ZFAT: variants seen among roughly 807,000 people sequenced by gnomAD.
ZFAT encodes zinc finger protein ZFAT.
Under a neutral mutation model 117.7 loss-of-function variants are expected in ZFAT, and 64 were observed. That is an observed-to-expected ratio of 0.54 (90% CI 0.44 to 0.67). ZFAT has a LOEUF of 0.67. Among genes scored for constraint, ZFAT ranks in the 30% least tolerant of loss-of-function variants. The pLI is 0.00. For missense variants in ZFAT, 1,433 were observed against 1,584.5 expected (o/e 0.90, Z 1.62); for synonymous variants, 679 against 615.0 (o/e 1.10, Z -1.54).
At chr8:134,685,803 A>T (rs1833293348) in intron 1 of ZFAT, among the ~76,000 whole-genome samples, 2 of 152,232 alleles carry the variant, frequency 1.3e-5, no homozygotes, top group South Asian at 4.1e-4. Flanking sequence ...TGACTAGGCC[A>T]TAATTTTAAA....
intron 3 of ZFAT, among the ~76,000 whole-genome samples, chr8:134,636,901 T>C (rs532105470): frequency 6.6e-6 from 1 of 152,338 alleles, no homozygotes; most frequent in South Asian, 2.1e-4. Flanking sequence ...CGATAGTCTT[T>C]ATTTTCTTCA....
At position 134,625,386 on chromosome 8, in the gene ZFAT, C is replaced by T. The variant is rs111776553; in HGVS notation, c.448+12075G>A. Among the ~76,000 whole-genome samples the T allele has an allele frequency of 2.0e-5, 3 of 152,302 alleles. 1 individual carries two copies. Among genetic ancestry groups the T allele is most frequent in the African/African-American group, 7.2e-5 (3 of 41,572 alleles). On this transcript the variant is annotated intron_variant, in intron 3 of 15. Coordinates refer to ENST00000377838, the MANE Select transcript of ZFAT (RefSeq NM_020863.4). ...TGTATGAACCATCACGAGAGAAATG[C>T]CTATTCCATCTCCTTCTCCACCTTC...
chr8:134,480,231 G>C (rs1817203416), intron 15 of ZFAT, among the ~76,000 whole-genome samples: 1 of 152,054 alleles, frequency 6.6e-6, no homozygotes, highest in Non-Finnish European at 1.5e-5. Flanking sequence ...CAAAGTGCCG[G>C]GATTACAGGC....
intron 1 of ZFAT, among the ~76,000 whole-genome samples, chr8:134,671,760 C>T (rs555846053): frequency 2.0e-5 from 3 of 152,324 alleles, no homozygotes; most frequent in East Asian, 1.9e-4. Flanking sequence ...CCAGGGCAAT[C>T]AGGCAGGACA....
the ZFAT span, chr8:134,804,735 A>G: frequency 5.3e-6 from 2 of 376,106 alleles, no homozygotes; most frequent in African/African-American, 4.3e-5. Flanking sequence ...AGCACCCTAC[A>G]TTCAACTATC....
At position 134,478,236 on chromosome 8, in the gene ZFAT, AG is replaced by A. The variant is rs1817016126; in HGVS notation, c.*245del. On this transcript the variant is annotated 3_prime_UTR_variant, in exon 16 of 16. Coordinates refer to ENST00000377838, the MANE Select transcript of ZFAT (RefSeq NM_020863.4). This position sits in a 1 kb window ranked among gnomAD's most constrained non-coding sequence, Gnocchi z 5.2. Reference sequence around the variant, plus strand: ...AGGGGAGCTGACACTGAAGTCTTTCAGGAAGCAGATGGTAAGGGTCAGGGGG... The same window carrying A: ...AGGGGAGCTGACACTGAAGTCTTTCAGAAGCAGATGGTAAGGGTCAGGGGG... 1.8e-6 allele frequency: 1 copy of A among 554,148 alleles called. No homozygotes were observed. The highest frequency in any genetic ancestry group is 2.4e-5 in the South Asian group (1 of 41,798). 34.3% of individuals were successfully genotyped at this position (554,148 alleles called of 1,614,324 possible). A position where few individuals can be genotyped will look rare whatever the true frequency, so the allele number is the denominator to read the frequency against.
intron 13 of ZFAT, among the ~76,000 whole-genome samples, chr8:134,516,180 AT>A (rs1177318110): frequency 2.6e-5 from 4 of 152,222 alleles, no homozygotes; most frequent in African/African-American, 9.6e-5. Context: ...AGTTTCGCTG[AT>A]TGCATCACCA....
intron 1 of ZFAT, chr8:134,696,524 A>G (rs1338422547): frequency 2.0e-6 from 2 of 985,512 alleles, no homozygotes; most frequent in Non-Finnish European, 2.4e-6. Flanking sequence ...CCGCCTCTCC[A>G]TCTACACCCT....
At chr8:134,804,169 A>G in the ZFAT span, among the ~76,000 whole-genome samples, 2 of 152,348 alleles carry the variant, frequency 1.3e-5, no homozygotes, top group Middle Eastern at 3.4e-3. Context: ...AAACACAAAA[A>G]ATAGATACAA....
the ZFAT span, among the ~76,000 whole-genome samples, chr8:134,724,165 A>G: frequency 6.6e-6 from 1 of 152,306 alleles, no homozygotes; most frequent in East Asian, 1.9e-4. Context: ...CAGAGGGTGG[A>G]CATGTAAAGA....
the ZFAT span, among the ~76,000 whole-genome samples, chr8:134,829,967 T>C: frequency 6.6e-6 from 1 of 152,210 alleles, no homozygotes; most frequent in African/African-American, 2.4e-5. Flanking sequence ...ATGATCACAA[T>C]AAACGCTCGA....
In ZFAT at chr8:134,509,731, G is replaced by A. The variant is rs749055033; in HGVS notation, c.3380C>T (p.Thr1127Met). The change falls in exon 15 of 16, where the codon ACG becomes ATG. Residue 1127 changes from threonine to methionine, a missense_variant. Physicochemically the swap from Thr to Met is moderately conservative, Grantham distance 81 (BLOSUM62 -1). Transcript: ENST00000377838. ...TSESGDRLDP[T>M]AVNILQQIIE... is the part of the protein sequence containing the mutation. Reference sequence around the variant, plus strand: ...GATCTGCTGCAGGATGTTCACGGCCGTGGGGTCCAGTCGGTCGCCTTAAGA... The same window carrying A: ...GATCTGCTGCAGGATGTTCACGGCCATGGGGTCCAGTCGGTCGCCTTAAGA... 18 of 1,608,072 alleles carry A rather than the reference G, an allele frequency of 1.1e-5. No individual in the cohort carries two copies. Among genetic ancestry groups the A allele is most frequent in the East Asian group, 2.2e-5 (1 of 44,686 alleles).
chr8:134,638,685 A>C (rs1285406200), intron 2 of ZFAT, among the ~76,000 whole-genome samples: 1 of 151,644 alleles, frequency 6.6e-6, no homozygotes, highest in East Asian at 1.9e-4. Flanking sequence ...CTGAGATCAC[A>C]CTACTGCACT....
the ZFAT span, among the ~76,000 whole-genome samples, chr8:134,756,268 T>C: frequency 2.0e-5 from 3 of 152,206 alleles, no homozygotes; most frequent in African/African-American, 7.2e-5. Context: ...TTATACAATA[T>C]TTTACCATGG....
At chr8:134,732,202 T>C in the ZFAT span, among the ~76,000 whole-genome samples, 1 of 152,250 alleles carries the variant, frequency 6.6e-6, no homozygotes, top group Non-Finnish European at 1.5e-5. Context: ...TGCTAAATCT[T>C]ATGAGGCTGT....
the ZFAT span, among the ~76,000 whole-genome samples, chr8:134,803,303 T>C: frequency 6.6e-6 from 1 of 152,140 alleles, no homozygotes; most frequent in African/African-American, 2.4e-5. Context: ...TGTCACCTGG[T>C]CAAACAAAAT....
In ZFAT at chr8:134,492,523, G is replaced by A. The variant is rs149969147; in HGVS notation, c.3493-13802C>T. Among the ~76,000 whole-genome samples the A allele has an allele frequency of 2.5e-3, 384 of 152,348 alleles. 2 individuals carry two copies. The highest frequency in any genetic ancestry group is 0.01 in the Middle Eastern group (3 of 294). On this transcript the variant is annotated intron_variant, in intron 15 of 15. Coordinates refer to ENST00000377838, the MANE Select transcript of ZFAT (RefSeq NM_020863.4). Reference sequence around the variant, plus strand: ...ACAGGTAGAATATTCCCCTGTGTGTGTTTAAGCTCTGGGGAAGAAGCCTTA... The same window carrying A: ...ACAGGTAGAATATTCCCCTGTGTGTATTTAAGCTCTGGGGAAGAAGCCTTA...
At chr8:134,679,898 T>C (rs1193455081) in intron 1 of ZFAT, among the ~76,000 whole-genome samples, 1 of 120,320 alleles carries the variant, frequency 8.3e-6, no homozygotes, top group Non-Finnish European at 1.6e-5. Flanking sequence ...TGAGAACACA[T>C]GGACACAGGG....
At chr8:134,575,008 C>A (rs1346457013) in intron 10 of ZFAT, among the ~76,000 whole-genome samples, 2 of 151,836 alleles carry the variant, frequency 1.3e-5, no homozygotes, top group Non-Finnish European at 2.9e-5. Context: ...GTGACTTAAT[C>A]TTTCCTAATG....
Sources: allele counts gnomAD v4.1 joint callset (sites outside exome capture counted in the v4.1 genomes callset), GRCh38; gene constraint gnomAD v4.1.1; non-coding constraint Gnocchi (gnomAD v3.1); transcripts MANE v1.5; gene names NCBI Gene and HGNC (gene_info 2026-07-23, HGNC 2026-07-21).